DPP10: variants seen among roughly 807,000 people sequenced by gnomAD.
DPP10 encodes the protein inactive dipeptidyl peptidase 10.
In DPP10, 33 loss-of-function variants were observed where a neutral mutation model predicts 120.9. The observed-to-expected ratio is 0.27, with a 90% CI of 0.21 to 0.37. DPP10 has a LOEUF of 0.37. Ranked by LOEUF, DPP10 falls within the 10% of genes least tolerant of loss-of-function variation. DPP10 has a pLI of 1.00. For missense variants in DPP10, 816 were observed against 942.8 expected (o/e 0.87, Z 1.76); for synonymous variants, 337 against 326.1 (o/e 1.03, Z -0.36).
At chr2:115,132,285 G>A (rs1433784293) in intron 1 of DPP10, among the ~76,000 whole-genome samples, 2 of 152,028 alleles carry the variant, frequency 1.3e-5, no homozygotes, top group African/African-American at 4.8e-5. Context: ...ACAGAGAATA[G>A]ATGGTAAATG....
intron 5 of DPP10, among the ~76,000 whole-genome samples, chr2:115,618,456 A>G (rs1175735397): frequency 6.6e-6 from 1 of 152,146 alleles, no homozygotes; most frequent in Non-Finnish European, 1.5e-5. Context: ...GACAAATAAG[A>G]AGGAAAGCAA....
intron 24 of DPP10, 79 bp from the exon 25 acceptor site, chr2:115,840,671 A>G: frequency 7.0e-7 from 1 of 1,420,072 alleles, no homozygotes; most frequent in Non-Finnish European, 9.8e-7. Context: ...AAAACACTGA[A>G]TCTCTTTGAA....
intron 12 of DPP10, among the ~76,000 whole-genome samples, chr2:115,764,619 A>T (rs1029809259): frequency 6.6e-6 from 1 of 152,098 alleles, no homozygotes; most frequent in Non-Finnish European, 1.5e-5. Context: ...AACATAATGC[A>T]TGTTCTTTTG....
intron 7 of DPP10, among the ~76,000 whole-genome samples, chr2:115,718,774 T>C (rs904897583): frequency 2.6e-5 from 4 of 152,124 alleles, no homozygotes; most frequent in Non-Finnish European, 5.9e-5. Context: ...AGGTGCCTGA[T>C]ACATATTTGC....
At chr2:115,751,570 AT>A (rs1419099353) in intron 10 of DPP10, among the ~76,000 whole-genome samples, 1 of 152,160 alleles carries the variant, frequency 6.6e-6, no homozygotes, top group East Asian at 1.9e-4. Flanking sequence ...CCTTCCTTGT[AT>A]GTCAAGTTAT....
chr2:114,442,816 G>T lies in DPP10; in HGVS notation c.38G>T (p.Cys13Phe). The part of the protein sequence containing the change: ...QTASVSHHIK[C>F]QPSKTIKELG... ...GCCAGCGTGTCCCATCACATCAAGT[G>T]TCAACCCTCAAAAACAATCAAGGTA... is the stretch of plus-strand genomic sequence containing the variant. Residue 13 changes from cysteine to phenylalanine, a missense_variant, in exon 1 of 26, where the codon TGT becomes TTT. Cys to Phe is a radical substitution (Grantham distance 205). This residue lies in a region of DPP10 where 182 missense variants were observed against 207.4 expected (regional missense o/e 0.88). Coordinates refer to ENST00000410059, the MANE Select transcript of DPP10 (RefSeq NM_020868.6). 1 of 1,613,400 alleles carries T rather than the reference G, an allele frequency of 6.2e-7. No homozygotes were observed. The highest frequency in any genetic ancestry group is 8.5e-7 in the Non-Finnish European group (1 of 1,179,532).
chr2:115,536,601 G>T (rs1385708794), intron 5 of DPP10, among the ~76,000 whole-genome samples: 2 of 151,974 alleles, frequency 1.3e-5, no homozygotes, highest in African/African-American at 4.8e-5. Flanking sequence ...CAAAGTAAAT[G>T]TATGCTTCCC....
chr2:115,753,121 CTA>C, intron 10 of DPP10, 51 bp from the exon 11 acceptor site: 1 of 1,547,420 alleles, frequency 6.5e-7, no homozygotes. Context: ...ATTGTTGGTA[CTA>C]TATCAATGCT....
Position 115,219,415 on chromosome 2 carries a change from C to G in DPP10, c.61-89824C>G, listed in dbSNP as rs17044190. On this transcript the variant is annotated intron_variant, in intron 1 of 25. Coordinates refer to ENST00000410059, the MANE Select transcript of DPP10 (RefSeq NM_020868.6). ...ATACTTTTCCATAATCATCCTACTT[C>G]TGTTCCGTAAGTGTATACACACACA... is the stretch of plus-strand genomic sequence containing the variant. 4.5e-3 allele frequency among the ~76,000 whole-genome samples: 682 copies of G among 152,224 alleles called. 7 individuals are homozygous for G. The highest frequency in any genetic ancestry group is 0.015 in the African/African-American group (640 of 41,560).
At chr2:115,535,677 G>A (rs1478531892) in intron 5 of DPP10, among the ~76,000 whole-genome samples, 2 of 150,628 alleles carry the variant, frequency 1.3e-5, no homozygotes, top group African/African-American at 4.9e-5. Context: ...GATGGGGATG[G>A]CATTGAATCT....
chr2:115,216,622 A>G (rs887898984), intron 1 of DPP10, among the ~76,000 whole-genome samples: 2 of 151,936 alleles, frequency 1.3e-5, no homozygotes, highest in Non-Finnish European at 2.9e-5. Context: ...CATCTCTACT[A>G]AAAATACAAA....
At chr2:114,577,456 T>C (rs540829909) in intron 1 of DPP10, among the ~76,000 whole-genome samples, 13 of 152,310 alleles carry the variant, frequency 8.5e-5, no homozygotes, top group Admixed American at 2.0e-4. Context: ...ACTCATGGGC[T>C]TCCAATAAGA....
chr2:115,477,059 A>T (rs1160673758), intron 3 of DPP10, among the ~76,000 whole-genome samples: 1 of 152,148 alleles, frequency 6.6e-6, no homozygotes, highest in Non-Finnish European at 1.5e-5. Flanking sequence ...AGCACACATT[A>T]CTCGCAATGG....
chr2:115,377,685 G>C (rs1374704813), intron 3 of DPP10, among the ~76,000 whole-genome samples: 6 of 152,200 alleles, frequency 3.9e-5, no homozygotes, highest in South Asian at 4.2e-4. Context: ...TATGGTTTTA[G>C]GTTTATCGTT....
chr2:114,956,063 TTTA>T (rs911807522), intron 1 of DPP10, among the ~76,000 whole-genome samples: 37 of 152,214 alleles, frequency 2.4e-4, no homozygotes, highest in Non-Finnish European at 8.8e-5. Context: ...TCTCACCACT[TTTA>T]TTCAACATAG....
At chr2:115,391,768 T>C (rs2067332752) in intron 3 of DPP10, among the ~76,000 whole-genome samples, 2 of 152,116 alleles carry the variant, frequency 1.3e-5, no homozygotes, top group Non-Finnish European at 2.9e-5. Context: ...ATTTATCCCA[T>C]TTCTCCAAAT....
At chr2:114,798,580 T>C in intron 1 of DPP10, among the ~76,000 whole-genome samples, 1 of 152,054 alleles carries the variant, frequency 6.6e-6, no homozygotes, top group East Asian at 1.9e-4. Context: ...TGCATCTGCA[T>C]GAAGGTCAAT....
intron 1 of DPP10, among the ~76,000 whole-genome samples, chr2:115,130,704 T>C (rs2104785401): frequency 6.6e-6 from 1 of 152,326 alleles, no homozygotes. Context: ...TATCTCTCCC[T>C]GTCAATACAA....
intron 1 of DPP10, among the ~76,000 whole-genome samples, chr2:114,544,692 G>T (rs183596001): frequency 6.6e-6 from 1 of 150,996 alleles, no homozygotes; most frequent in African/African-American, 2.5e-5. Context: ...TACATTAAGC[G>T]TAATAATTAA....
Sources: allele counts gnomAD v4.1 joint callset (sites outside exome capture counted in the v4.1 genomes callset), GRCh38; gene constraint gnomAD v4.1.1; regional missense constraint gnomAD v4.1.1; transcripts MANE v1.5; gene names NCBI Gene and HGNC (gene_info 2026-07-23, HGNC 2026-07-21).